DOCK1: variants seen among roughly 807,000 people sequenced by gnomAD.
DOCK1 encodes the protein dedicator of cytokinesis protein 1.
DOCK1 carries 138 observed loss-of-function variants against 262.7 expected under a neutral mutation model. That is an observed-to-expected ratio of 0.53 (90% confidence interval 0.46 to 0.61). DOCK1 has a LOEUF of 0.61. Among genes scored for constraint, DOCK1 ranks in the 20% least tolerant of loss-of-function variants. The pLI is 0.00. For missense variants in DOCK1, 1,908 were observed against 2,370.7 expected, an observed-to-expected ratio of 0.80 and a Z score of 4.05; for synonymous variants, 866 against 867.4, an observed-to-expected ratio of 1.00 and a Z score of 0.03.
Position 127,336,753 on chromosome 10 carries a change from A to G in DOCK1, c.3045-2253A>G, listed in dbSNP as rs187344401. On this transcript the variant is annotated intron_variant, in intron 29 of 51. Coordinates refer to ENST00000623213, the MANE Select transcript of DOCK1 (RefSeq NM_001290223.2). Reference sequence around the variant, plus strand: ...ACGGGGTTTCACTGTGTTAGCCAGGATGGTCTCAATCTCCTGACCTCGTGA... The same window carrying G: ...ACGGGGTTTCACTGTGTTAGCCAGGGTGGTCTCAATCTCCTGACCTCGTGA... Among the ~76,000 whole-genome samples, 1,323 of 152,188 alleles carry G rather than the reference A, an allele frequency of 8.7e-3. 23 individuals are homozygous for G. The highest frequency in any genetic ancestry group is 0.023 in the African/African-American group (943 of 41,544).
At position 127,245,885 on chromosome 10, in the gene DOCK1, G is replaced by A. The variant is rs72836427; in HGVS notation, c.2848-2123G>A. 8.4e-3 allele frequency among the ~76,000 whole-genome samples: 1,276 copies of A among 152,258 alleles called. 12 individuals are homozygous for A. Among genetic ancestry groups the A allele is most frequent in the Middle Eastern group, 0.027 (8 of 294 alleles). ...TGATTTCATTTATTCTAATGTGTAAGTCTCCATTGTGTAACTGGTTTGACC... is the reference window on the plus strand; with the variant it reads ...TGATTTCATTTATTCTAATGTGTAAATCTCCATTGTGTAACTGGTTTGACC... On this transcript the variant is annotated intron_variant, in intron 27 of 51. Transcript: ENST00000623213.
At chr10:126,991,121 T>C (rs184969842) in intron 6 of DOCK1, among the ~76,000 whole-genome samples, 26 of 152,340 alleles carry the variant, frequency 1.7e-4, no homozygotes, top group Admixed American at 7.2e-4. Flanking sequence ...ATAGTTGCTT[T>C]GTGCAGTTAT....
rs2296635 is a variant in DOCK1, at chr10:127,362,194, G to A, written c.3414G>A (p.Ser1138=). ...ATATGATGCAGTGTGAATTCCATTC[G>A]ACCCGAAGCTTCCAAATGGTAAGGA... ...FFDMMQCEFH[S]TRSFQMFENE... is the part of the protein sequence containing the mutation. Residue 1138 remains serine (S), a synonymous_variant, in exon 33 of 52, where the codon TCG becomes TCA. Coordinates refer to ENST00000623213, the MANE Select transcript of DOCK1 (RefSeq NM_001290223.2). 437,273 of 1,612,752 alleles carry A rather than the reference G, an allele frequency of 0.27. 61,131 individuals carry two copies. The highest frequency in any genetic ancestry group is 0.29 in the Non-Finnish European group (343,128 of 1,179,490).
chr10:127,000,730 A>ATCCGCCATGTTGGTGCTGTTTC (rs918406536), intron 10 of DOCK1: 14 of 162,216 alleles, frequency 8.6e-5, no homozygotes, highest in African/African-American at 3.4e-4. Context: ...GGTGCTCTTC[A>ATCCGCCATGTTGGTGCTGTTTC]TCCGCCATGT....
chr10:126,986,316 C>T (rs1167393223), intron 4 of DOCK1, among the ~76,000 whole-genome samples: 1 of 142,060 alleles, frequency 7.0e-6, no homozygotes, highest in African/African-American at 2.4e-5. Context: ...GCCTGATCTC[C>T]AATCGTGAGC....
At chr10:127,102,852 A>G (rs1341154696) in intron 23 of DOCK1, among the ~76,000 whole-genome samples, 1 of 152,160 alleles carries the variant, frequency 6.6e-6, no homozygotes, top group East Asian at 1.9e-4. Context: ...AAAAAAAGGT[A>G]CAATTTACAT....
intron 27 of DOCK1, among the ~76,000 whole-genome samples, chr10:127,165,497 G>C (rs2053993463): frequency 6.6e-6 from 1 of 152,150 alleles, no homozygotes; most frequent in South Asian, 2.1e-4. Flanking sequence ...CTTTTTGGTT[G>C]AAGGATGCTC....
At chr10:127,072,011 C>A (rs2046260835) in intron 23 of DOCK1, among the ~76,000 whole-genome samples, 1 of 152,154 alleles carries the variant, frequency 6.6e-6, no homozygotes, top group Non-Finnish European at 1.5e-5. Context: ...GGAACCTGAA[C>A]TTATTTTCTT....
At chr10:127,177,551 G>A (rs894002935) in intron 27 of DOCK1, among the ~76,000 whole-genome samples, 2 of 152,230 alleles carry the variant, frequency 1.3e-5, no homozygotes, top group South Asian at 2.1e-4. Flanking sequence ...GAGGGTGTAC[G>A]GGGCCCGAGT....
Position 126,928,211 on chromosome 10 carries a change from A to G in DOCK1, c.46+22648A>G, listed in dbSNP as rs897457345. Among the ~76,000 whole-genome samples the G allele has an allele frequency of 3.3e-5, 5 of 152,200 alleles. No homozygotes were observed. The East Asian group carries it at 9.7e-4, about 29-fold the overall frequency. The stretch of plus-strand genomic sequence containing the variant: ...AAGGACTCGGAGCCTCCCAGGTCGA[A>G]TAAGGGCCTGGAGGAACAGCATGAG... On this transcript the variant is annotated intron_variant, in intron 1 of 51. Coordinates refer to ENST00000623213, the MANE Select transcript of DOCK1 (RefSeq NM_001290223.2).
intron 29 of DOCK1, among the ~76,000 whole-genome samples, chr10:127,299,124 T>C (rs1237453090): frequency 6.6e-6 from 1 of 152,190 alleles, no homozygotes; most frequent in Non-Finnish European, 1.5e-5. Flanking sequence ...TTTGAGACCA[T>C]GTCTTGCTCT....
At chr10:127,214,550 G>A (rs867981189) in intron 27 of DOCK1, among the ~76,000 whole-genome samples, 1 of 152,198 alleles carries the variant, frequency 6.6e-6, no homozygotes, top group Non-Finnish European at 1.5e-5. Context: ...TAATACTCCT[G>A]TTGTAGGAAT....
At chr10:127,137,729 G>A (rs1232379082) in intron 27 of DOCK1, 2 of 1,023,460 alleles carry the variant, frequency 2.0e-6, no homozygotes, top group Non-Finnish European at 2.8e-6. Flanking sequence ...AGTGGGAGGT[G>A]CCTGAATGGG....
intron 27 of DOCK1, among the ~76,000 whole-genome samples, chr10:127,141,140 T>G (rs1361340754): frequency 6.6e-6 from 1 of 152,200 alleles, no homozygotes; most frequent in Non-Finnish European, 1.5e-5. Flanking sequence ...GTTTCTCAGG[T>G]CCACATAACC....
chr10:127,168,257 T>C (rs895220817), intron 27 of DOCK1, among the ~76,000 whole-genome samples: 5 of 152,212 alleles, frequency 3.3e-5, no homozygotes, highest in Admixed American at 6.5e-5. Flanking sequence ...GCTGGAATGA[T>C]TTAAAATGTT....
At chr10:126,946,013 C>T (rs1023851924) in intron 1 of DOCK1, among the ~76,000 whole-genome samples, 10 of 152,252 alleles carry the variant, frequency 6.6e-5, no homozygotes, top group Middle Eastern at 3.4e-3. Flanking sequence ...ACAGCTTTCT[C>T]GAGCAGTTAC....
intron 47 of DOCK1, among the ~76,000 whole-genome samples, chr10:127,429,408 G>A (rs1248044578): frequency 6.6e-6 from 1 of 152,100 alleles, no homozygotes; most frequent in East Asian, 1.9e-4. Flanking sequence ...CGCAGTCTGG[G>A]ATGTGCCTTT....
At chr10:127,398,829 T>C (rs957475167) in intron 38 of DOCK1, among the ~76,000 whole-genome samples, 1 of 152,206 alleles carries the variant, frequency 6.6e-6, no homozygotes, top group East Asian at 1.9e-4. Flanking sequence ...TTTCATCTGC[T>C]GCTGTTCCCT....
chr10:127,232,540 A>G (rs772618509), intron 27 of DOCK1, among the ~76,000 whole-genome samples: 2 of 152,212 alleles, frequency 1.3e-5, no homozygotes, highest in Non-Finnish European at 2.9e-5. Context: ...ATTTTATACT[A>G]AATAATGGTG....
Sources: allele counts gnomAD v4.1 joint callset (sites outside exome capture counted in the v4.1 genomes callset), GRCh38; gene constraint gnomAD v4.1.1; transcripts MANE v1.5; gene names NCBI Gene and HGNC (gene_info 2026-07-23, HGNC 2026-07-21).